The following SLC44A1 variants were observed in gnomAD, a reference collection of about 807,000 sequenced individuals.
SLC44A1 encodes choline transporter-like protein 1.
A neutral mutation model predicts 79.3 loss-of-function variants in SLC44A1; 26 were observed. The observed-to-expected ratio is 0.33, with a 90% CI of 0.24 to 0.46. The LOEUF (loss-of-function observed/expected upper bound fraction) is 0.46. SLC44A1 is among the 20% of genes least tolerant of loss of function. The pLI is 1.00. For synonymous variants in SLC44A1, 263 were observed against 286.2 expected, an observed-to-expected ratio of 0.92 and a Z score of 0.82; for missense variants, 688 against 798.1, an observed-to-expected ratio of 0.86 and a Z score of 1.66.
chr9:105,289,544 G>C (rs1830555440), intron 1 of SLC44A1, among the ~76,000 whole-genome samples: 1 of 152,112 alleles, frequency 6.6e-6, no homozygotes, highest in African/African-American at 2.4e-5. Context: ...ACAAAGGAAG[G>C]GAACCTAGTT....
intron 4 of SLC44A1, among the ~76,000 whole-genome samples, chr9:105,336,735 G>T (rs566157961): frequency 6.6e-6 from 1 of 152,268 alleles, no homozygotes; most frequent in South Asian, 2.1e-4. Flanking sequence ...TTCCAGTTGG[G>T]GATGCTAGCC....
intron 4 of SLC44A1, among the ~76,000 whole-genome samples, chr9:105,337,694 C>A (rs1357987817): frequency 1.3e-5 from 2 of 152,162 alleles, no homozygotes; most frequent in African/African-American, 2.4e-5. Flanking sequence ...TATATCTTCT[C>A]AAAAAACCCA....
chr9:105,389,133 G>A lies in SLC44A1; in HGVS notation c.*77G>A. On this transcript the variant is annotated 3_prime_UTR_variant, in exon 16 of 16. Coordinates refer to ENST00000374720, the MANE Select transcript of SLC44A1 (RefSeq NM_080546.5). ...CATAACTATGTATTTGTGTGTGTGG[G>A]TGTGTGTATATATGTATATGTATGT... The A allele has an allele frequency of 6.3e-7, 1 of 1,578,646 alleles. No individual in the cohort carries two copies. The highest frequency in any genetic ancestry group is 8.7e-7 in the Non-Finnish European group (1 of 1,151,798).
At chr9:105,374,562 A>G (rs1262306637) in intron 12 of SLC44A1, 36 bp from the exon 13 acceptor site, 4 of 1,591,010 alleles carry the variant, frequency 2.5e-6, no homozygotes, top group East Asian at 4.5e-5. Flanking sequence ...GGAAGTTTCA[A>G]TTGTTGACGA....
At chr9:105,252,375 T>C (rs540470994) in intron 1 of SLC44A1, among the ~76,000 whole-genome samples, 12 of 152,316 alleles carry the variant, frequency 7.9e-5, no homozygotes, top group African/African-American at 2.9e-4. Context: ...TTAACAGATA[T>C]TCTGTTTCCC....
intron 1 of SLC44A1, among the ~76,000 whole-genome samples, chr9:105,268,262 T>C (rs925113454): frequency 6.6e-5 from 10 of 152,154 alleles, no homozygotes; most frequent in Non-Finnish European, 1.5e-4. Context: ...TGAGGGAGTT[T>C]TGTGGTGTAA....
rs199890093 is a variant in SLC44A1, at chr9:105,375,709, G to GAA, written c.1632+975_1632+976dup. ...GAGAACGAGACTTATACTTTCCTTA[G>GAA]AAGTGTCGAACAAGAGGCATTTTAT... On this transcript the variant is annotated intron_variant, in intron 13 of 15. Coordinates refer to ENST00000374720, the MANE Select transcript of SLC44A1 (RefSeq NM_080546.5). Among the ~76,000 whole-genome samples, 450 of 152,212 alleles carry GAA rather than the reference G, an allele frequency of 3.0e-3. 2 individuals carry two copies. Among genetic ancestry groups the GAA allele is most frequent in the Admixed American group, 0.022 (341 of 15,278 alleles).
chr9:105,270,559 T>C lies in SLC44A1; in HGVS notation c.36+25655T>C, dbSNP rs143018652. Among the ~76,000 whole-genome samples, 313 of 152,350 alleles carry C rather than the reference T, an allele frequency of 2.1e-3. 4 individuals carry two copies. The highest frequency in any genetic ancestry group is 0.018 in the Admixed American group (275 of 15,300). On this transcript the variant is annotated intron_variant, in intron 1 of 15. Coordinates refer to ENST00000374720, the MANE Select transcript of SLC44A1 (RefSeq NM_080546.5). Reference sequence around the variant, plus strand: ...ATTATGTTCTGGCCAAGTTCATTGTTGTCAAACACCTCGAGATCCTTCGTC... The same window carrying C: ...ATTATGTTCTGGCCAAGTTCATTGTCGTCAAACACCTCGAGATCCTTCGTC...
At chr9:105,255,118 ATAAT>A (rs1241532672) in intron 1 of SLC44A1, among the ~76,000 whole-genome samples, 11 of 137,746 alleles carry the variant, frequency 8.0e-5, no homozygotes, top group African/African-American at 2.9e-4. Context: ...TTTTTTTTTA[ATAAT>A]TAAACTGAAA....
chr9:105,373,907 A>G (rs1828194497), intron 12 of SLC44A1, among the ~76,000 whole-genome samples: 1 of 152,172 alleles, frequency 6.6e-6, no homozygotes, highest in Non-Finnish European at 1.5e-5. Flanking sequence ...ACCAATTCTG[A>G]ACCAATCATT....
In SLC44A1 at chr9:105,244,822, G is replaced by T; in HGVS notation, c.-47G>T. ...GGCTCGCATGCCGAGGGGCTCCGGG[G>T]CGTAGCTGCGCGCCCGGCGCCGCCT... On this transcript the variant is annotated 5_prime_UTR_variant, in exon 1 of 16. Coordinates refer to ENST00000374720, the MANE Select transcript of SLC44A1 (RefSeq NM_080546.5). 1 of 1,081,872 alleles carries T rather than the reference G, an allele frequency of 9.2e-7. No individual in the cohort carries two copies. Among genetic ancestry groups the T allele is most frequent in the South Asian group, 4.4e-5 (1 of 22,772 alleles). The allele number at this position is 1,081,872 out of a possible 1,614,324, so 67.0% of individuals were successfully genotyped here.
At position 105,393,107 on chromosome 9, in the gene SLC44A1, T is replaced by A; in HGVS notation, c.*4051T>A. 1 of 985,372 alleles carries A rather than the reference T, an allele frequency of 1.0e-6. No individual in the cohort carries two copies. Among genetic ancestry groups the A allele is most frequent in the Non-Finnish European group, 1.2e-6 (1 of 829,862 alleles). 61.0% of individuals were successfully genotyped at this position (985,372 alleles called of 1,614,324 possible). ...CTTGCCTAGAACTGGTAAGAAGTGG[T>A]CTGTGAATGTATATTGAAAAAATGT... On this transcript the variant is annotated 3_prime_UTR_variant, in exon 16 of 16. Transcript: ENST00000374720.
chr9:105,410,299 C>T (rs1255351871), intron 15 of SLC44A1, among the ~76,000 whole-genome samples: 1 of 152,108 alleles, frequency 6.6e-6, no homozygotes, highest in Non-Finnish European at 1.5e-5. Flanking sequence ...AGACAACCCA[C>T]AAAATGGGAG....
intron 4 of SLC44A1, among the ~76,000 whole-genome samples, chr9:105,342,853 C>T (rs1827138860): frequency 6.6e-6 from 1 of 151,994 alleles, no homozygotes; most frequent in Non-Finnish European, 1.5e-5. Context: ...GAAATGAGCA[C>T]AATCTTCCAA....
chr9:105,295,110 A>G (rs1830691953), intron 1 of SLC44A1, among the ~76,000 whole-genome samples: 1 of 152,170 alleles, frequency 6.6e-6, no homozygotes. Flanking sequence ...TTTCAGACAT[A>G]GATTTTCCAC....
Position 105,389,168 on chromosome 9 carries a change from T to C in SLC44A1, c.*112T>C. The C allele has an allele frequency of 6.8e-7, 1 of 1,468,528 alleles. No individual in the cohort carries two copies. The highest frequency in any genetic ancestry group is 9.2e-7 in the Non-Finnish European group (1 of 1,086,766). 91.0% of individuals were successfully genotyped at this position (1,468,528 alleles called of 1,614,324 possible). ...ATATGTATATGTATGTGTGTATATA[T>C]GTATATGTATATACACACACACACA... On this transcript the variant is annotated 3_prime_UTR_variant, in exon 16 of 16. Coordinates refer to ENST00000374720, the MANE Select transcript of SLC44A1 (RefSeq NM_080546.5).
Position 105,298,926 on chromosome 9 carries a change from A to T in SLC44A1, c.37-294A>T, listed in dbSNP as rs192772812. Among the ~76,000 whole-genome samples the T allele has an allele frequency of 5.9e-5, 9 of 152,278 alleles. No homozygotes were observed. In the East Asian group the frequency reaches 1.5e-3, roughly 26 times the overall value. ...AGTCTGCTGGGACACAGCATAACAA[A>T]TAAGAATGACAATTTAGCCTGCTAA... On this transcript the variant is annotated intron_variant, in intron 1 of 15. Transcript: ENST00000374720.
At chr9:105,380,272 G>A (rs1431780182) in intron 13 of SLC44A1, among the ~76,000 whole-genome samples, 1 of 152,024 alleles carries the variant, frequency 6.6e-6, no homozygotes, top group African/African-American at 2.4e-5. Context: ...TTTCCTTCCT[G>A]CTTCCCACAT....
intron 1 of SLC44A1, among the ~76,000 whole-genome samples, chr9:105,245,575 C>G (rs751001555): frequency 6.6e-5 from 10 of 152,222 alleles, no homozygotes; most frequent in Non-Finnish European, 1.3e-4. Flanking sequence ...TCGGAGGCCC[C>G]TGCGGGAGCG....
Sources: gnomAD v4.1 joint callset for allele counts (sites outside exome capture counted in the v4.1 genomes callset) on GRCh38, gnomAD v4.1.1 for gene constraint, MANE v1.5 for transcripts, NCBI Gene and HGNC (gene_info 2026-07-23, HGNC 2026-07-21) for gene names.